Variants in BCAS3 observed in about 807,000 individuals in gnomAD.
The protein encoded by BCAS3 is BCAS4/BCAS3 fusion.
In BCAS3, 53 loss-of-function variants were observed where a neutral mutation model predicts 116.1. The observed-to-expected ratio is 0.46, with a 90% confidence interval of 0.37 to 0.57. The LOEUF (loss-of-function observed/expected upper bound fraction) is 0.57, where lower values mean the gene tolerates loss of function less well. BCAS3 is among the 20% of genes least tolerant of loss of function. The pLI is 0.00. For missense variants in BCAS3, 917 were observed against 1,165.4 expected, an observed-to-expected ratio of 0.79 and a Z score of 3.10; for synonymous variants, 391 against 408.2, an observed-to-expected ratio of 0.96 and a Z score of 0.51.
chr17:61,212,705 A>C (rs1435209522), intron 22 of BCAS3, among the ~76,000 whole-genome samples: 1 of 152,210 alleles, frequency 6.6e-6, no homozygotes, highest in Non-Finnish European at 1.5e-5. Context: ...CAGTGAGACT[A>C]TGCTAGCCTT....
intron 22 of BCAS3, among the ~76,000 whole-genome samples, chr17:61,252,591 A>AT (rs1302158868): frequency 6.6e-6 from 1 of 151,764 alleles, no homozygotes; most frequent in East Asian, 1.9e-4. Flanking sequence ...AAAAAAAAAA[A>AT]AAGCCTGGGA....
rs920092218 is a variant in BCAS3 at position 61,286,295 on chromosome 17, C to T, written c.2426-82032C>T. On this transcript the variant is annotated intron_variant, in intron 22 of 23. Transcript: ENST00000407086. This position sits in a 1 kb window ranked among gnomAD's most constrained non-coding sequence, Gnocchi z 4.8. ...ACATTTCCTCTTGCTTCTGAGTTCT[C>T]TGAATCTGCATTTGAAAGTTATCGT... Among the ~76,000 whole-genome samples, 2 of 152,224 alleles carry T rather than the reference C, an allele frequency of 1.3e-5. No individual in the cohort carries two copies. Among genetic ancestry groups the T allele is most frequent in the Admixed American group, 1.3e-4 (2 of 15,282 alleles).
chr17:61,145,279 C>G lies in BCAS3; in HGVS notation c.2425+60715C>G, dbSNP rs1393645650. Among the ~76,000 whole-genome samples the G allele has an allele frequency of 6.6e-6, 1 of 152,240 alleles. No homozygotes were observed. The highest frequency in any genetic ancestry group is 2.4e-5 in the African/African-American group (1 of 41,466). ...CTTTGCTGATGGTTCTGCAACTCAT[C>G]ACCAGCTATGCAAACTGACAGTTCA... On this transcript the variant is annotated intron_variant, in intron 22 of 23. Coordinates refer to ENST00000407086, the MANE Select transcript of BCAS3 (RefSeq NM_017679.5). This position sits in a 1 kb window ranked among gnomAD's most constrained non-coding sequence, Gnocchi z 5.0.
Position 61,226,439 on chromosome 17 carries a change from G to A in BCAS3, c.2425+141875G>A, listed in dbSNP as rs1236134436. ...TTCAAACTTTTGTATGGAGATCTTTGTTAAGTGGATTTTATGCTTGCTTCT... is the reference window on the plus strand; with the variant it reads ...TTCAAACTTTTGTATGGAGATCTTTATTAAGTGGATTTTATGCTTGCTTCT... On this transcript the variant is annotated intron_variant, in intron 22 of 23. Coordinates refer to ENST00000407086, the MANE Select transcript of BCAS3 (RefSeq NM_017679.5). This position sits in a 1 kb window ranked among gnomAD's most constrained non-coding sequence, Gnocchi z 6.0. Among the ~76,000 whole-genome samples the A allele has an allele frequency of 6.6e-6, 1 of 152,136 alleles. No individual in the cohort carries two copies. Among genetic ancestry groups the A allele is most frequent in the Non-Finnish European group, 1.5e-5 (1 of 68,026 alleles).
intron 7 of BCAS3, among the ~76,000 whole-genome samples, chr17:60,825,202 T>C (rs1209978105): frequency 6.6e-6 from 1 of 151,974 alleles, no homozygotes; most frequent in South Asian, 2.1e-4. Flanking sequence ...GTTGCACTTA[T>C]GTGCACCTTG....
At chr17:60,866,210 T>C (rs902658991) in intron 7 of BCAS3, among the ~76,000 whole-genome samples, 2 of 151,774 alleles carry the variant, frequency 1.3e-5, no homozygotes, top group Admixed American at 6.6e-5. Context: ...CGGCTCAAGA[T>C]TGAAATCAGT....
At chr17:61,360,688 C>T (rs8072108) in intron 22 of BCAS3, among the ~76,000 whole-genome samples, 8,495 of 152,262 alleles carry the variant, frequency 0.056, 792 homozygotes, top group African/African-American at 0.19. Context: ...CCACCCTAAA[C>T]CCAGGATGAT....
chr17:60,723,885 A>AT (rs1242516363), intron 5 of BCAS3, among the ~76,000 whole-genome samples: 2 of 148,788 alleles, frequency 1.3e-5, no homozygotes, highest in Non-Finnish European at 3.0e-5. Context: ...TGCCTGGCCA[A>AT]TTTTTTTTGT....
At position 61,205,111 on chromosome 17, in the gene BCAS3, C is replaced by G. The variant is rs2081049727; in HGVS notation, c.2425+120547C>G. On this transcript the variant is annotated intron_variant, in intron 22 of 23. Transcript: ENST00000407086. This position sits in a 1 kb window ranked among gnomAD's most constrained non-coding sequence, Gnocchi z 5.2. ...ATCAAAAGCTAACTTTTGGTCCACACTAAGTAAGAAGTATTATTTTTCTCA... is the reference window on the plus strand; with the variant it reads ...ATCAAAAGCTAACTTTTGGTCCACAGTAAGTAAGAAGTATTATTTTTCTCA... Among the ~76,000 whole-genome samples, 1 of 151,678 alleles carries G rather than the reference C, an allele frequency of 6.6e-6. No homozygotes were observed. The highest frequency in any genetic ancestry group is 2.1e-4 in the South Asian group (1 of 4,806).
intron 22 of BCAS3, among the ~76,000 whole-genome samples, chr17:61,293,560 A>T (rs1264839162): frequency 6.6e-6 from 1 of 152,210 alleles, no homozygotes; most frequent in Non-Finnish European, 1.5e-5. Flanking sequence ...CAAGGTCTTC[A>T]TATTCTGTCA....
At chr17:61,371,544 T>C (rs1296564911) in intron 23 of BCAS3, among the ~76,000 whole-genome samples, 2 of 152,172 alleles carry the variant, frequency 1.3e-5, no homozygotes. Flanking sequence ...AACAATGTAT[T>C]CTTGAAAATC....
In BCAS3 at chr17:60,967,730, G is replaced by T. The variant is rs8078606; in HGVS notation, c.1221+20378G>T. Among the ~76,000 whole-genome samples, 22,428 of 151,518 alleles carry T rather than the reference G, an allele frequency of 0.15. 5,490 individuals are homozygous for T. The highest frequency in any genetic ancestry group is 0.51 in the African/African-American group (21,017 of 41,276). On this transcript the variant is annotated intron_variant, in intron 14 of 23. Coordinates refer to ENST00000407086, the MANE Select transcript of BCAS3 (RefSeq NM_017679.5). The surrounding 1 kb of genome is among the most constrained non-coding windows in gnomAD (Gnocchi z 4.7). ...TGGTATTCATTCCTTTTTGTTCTTT[G>T]TCCTTCTCCCACCACCCCCCACACC...
At position 61,122,121 on chromosome 17, in the gene BCAS3, T is replaced by C. The variant is rs2075822294; in HGVS notation, c.2425+37557T>C. ...ATTTTCAGCATAGTCTTGCCACAGC[T>C]GAAATAGGAAGAGTATTGAACAGTC... is the stretch of plus-strand genomic sequence containing the variant. On this transcript the variant is annotated intron_variant, in intron 22 of 23. Coordinates refer to ENST00000407086, the MANE Select transcript of BCAS3 (RefSeq NM_017679.5). The surrounding 1 kb of genome is among the most constrained non-coding windows in gnomAD (Gnocchi z 4.6). Among the ~76,000 whole-genome samples, 1 of 152,240 alleles carries C rather than the reference T, an allele frequency of 6.6e-6. No individual in the cohort carries two copies. Among genetic ancestry groups the C allele is most frequent in the Non-Finnish European group, 1.5e-5 (1 of 68,044 alleles).
rs375471448 is a variant in BCAS3 at position 60,995,343 on chromosome 17, A to G, written c.1486+5108A>G. Among the ~76,000 whole-genome samples, 12 of 152,112 alleles carry G rather than the reference A, an allele frequency of 7.9e-5. No individual in the cohort carries two copies. In the East Asian group the frequency reaches 2.3e-3, roughly 29 times the overall value. The stretch of plus-strand genomic sequence containing the variant: ...AATTTTTGTATATTTAGTGGAGACA[A>G]GGTTTCACTCTGTTGGCCAGGCTGG... On this transcript the variant is annotated intron_variant, in intron 15 of 23. Transcript: ENST00000407086. The surrounding 1 kb of genome is among the most constrained non-coding windows in gnomAD (Gnocchi z 4.7).
In BCAS3 at chr17:61,229,993, CA is replaced by C. The variant is rs1283396889; in HGVS notation, c.2426-138333del. Among the ~76,000 whole-genome samples the C allele has an allele frequency of 5.7e-4, 87 of 152,290 alleles. No individual in the cohort carries two copies. The highest frequency in any genetic ancestry group is 2.0e-3 in the African/African-American group (84 of 41,554). ...TACAAAAATTAGCCGGGCGTGGTAGCACGTGCCTATAGTCCCAGCTACTCAG... is the reference window on the plus strand; with the variant it reads ...TACAAAAATTAGCCGGGCGTGGTAGCCGTGCCTATAGTCCCAGCTACTCAG... On this transcript the variant is annotated intron_variant, in intron 22 of 23. Transcript: ENST00000407086. This position sits in a 1 kb window ranked among gnomAD's most constrained non-coding sequence, Gnocchi z 4.4.
chr17:61,348,942 T>C lies in BCAS3; in HGVS notation c.2426-19385T>C, dbSNP rs9907666. ...TAACTTTTTGTATTTTTGGTAGAGA[T>C]GGGGTTTCACCGTGTTAGCCAGGAT... On this transcript the variant is annotated intron_variant, in intron 22 of 23. Coordinates refer to ENST00000407086, the MANE Select transcript of BCAS3 (RefSeq NM_017679.5). This position sits in a 1 kb window ranked among gnomAD's most constrained non-coding sequence, Gnocchi z 4.5. Among the ~76,000 whole-genome samples, 127,441 of 151,648 alleles carry C rather than the reference T, an allele frequency of 0.84. 54,995 individuals are homozygous for C. The highest frequency in any genetic ancestry group is 0.94 in the South Asian group (4,483 of 4,744).
chr17:61,055,891 A>G (rs148997665), intron 19 of BCAS3, among the ~76,000 whole-genome samples: 43 of 152,320 alleles, frequency 2.8e-4, no homozygotes, highest in African/African-American at 9.6e-4. Context: ...CTGATAGAGA[A>G]CTATAGAAAG....
intron 22 of BCAS3, among the ~76,000 whole-genome samples, chr17:61,169,512 A>C (rs1248171995): frequency 1.3e-5 from 2 of 152,154 alleles, no homozygotes; most frequent in African/African-American, 4.8e-5. Context: ...GCCTTATGCA[A>C]TCCTCCCATC....
At chr17:61,109,230 G>T (rs1423306497) in intron 22 of BCAS3, among the ~76,000 whole-genome samples, 1 of 151,178 alleles carries the variant, frequency 6.6e-6, no homozygotes, top group Non-Finnish European at 1.5e-5. Flanking sequence ...TTCCATCCAG[G>T]TTGCTGCAAA....
Sources: allele counts gnomAD v4.1 joint callset (sites outside exome capture counted in the v4.1 genomes callset), GRCh38; gene constraint gnomAD v4.1.1; non-coding constraint Gnocchi (gnomAD v3.1); transcripts MANE v1.5; gene names NCBI Gene and HGNC (gene_info 2026-07-23, HGNC 2026-07-21).